F13A1: variants seen among roughly 807,000 people sequenced by gnomAD.
F13A1 encodes the protein FSF, A subunit.
F13A1 carries 47 observed loss-of-function variants against 80.1 expected under a neutral mutation model. The observed-to-expected ratio is 0.59, with a 90% CI of 0.46 to 0.75. F13A1 has a LOEUF of 0.75. Among genes scored for constraint, F13A1 ranks in the 30% least tolerant of loss-of-function variants. The probability of loss-of-function intolerance (pLI) is 0.00; values close to 1 mark genes in which losing one functional copy is unlikely to be tolerated. For missense variants in F13A1, 817 were observed against 930.4 expected, an observed-to-expected ratio of 0.88 and a Z score of 1.59; for synonymous variants, 349 against 344.9, an observed-to-expected ratio of 1.01 and a Z score of -0.13.
chr6:6,145,672 T>C lies in F13A1; in HGVS notation c.2146A>G (p.Arg716Gly), dbSNP rs778206273. Residue 716 changes from arginine to glycine, a missense_variant, in exon 15 of 15, where the codon AGA (arginine) becomes GGA (glycine). Arg to Gly is a moderately radical substitution (Grantham distance 125). Transcript: ENST00000264870. The stretch of plus-strand genomic sequence containing the variant: ...ACGTCCAGCTCGCCATACACATGTC[T>C]CAGGGAGTCACTGCTCATGCTGGCT... The part of the protein sequence containing the change: ...LIASMSSDSL[R>G]HVYGELDVQI... 1.9e-6 allele frequency: 3 copies of C among 1,614,176 alleles called. No homozygotes were observed. Among genetic ancestry groups the C allele is most frequent in the Non-Finnish European group, 2.5e-6 (3 of 1,180,018 alleles).
intron 10 of F13A1, among the ~76,000 whole-genome samples, chr6:6,192,233 G>C (rs754399514): frequency 6.6e-6 from 1 of 152,204 alleles, no homozygotes; most frequent in Non-Finnish European, 1.5e-5. Context: ...TGTAAGGGTG[G>C]TGGAACTCCA....
chr6:6,193,579 T>A (rs2151081367), intron 10 of F13A1, among the ~76,000 whole-genome samples: 1 of 152,332 alleles, frequency 6.6e-6, no homozygotes, highest in Non-Finnish European at 1.5e-5. Context: ...TTGTACCCTC[T>A]GTCAGACACG....
At chr6:6,176,904 G>A (rs892981487) in intron 11 of F13A1, among the ~76,000 whole-genome samples, 5 of 152,178 alleles carry the variant, frequency 3.3e-5, no homozygotes, top group African/African-American at 1.2e-4. Flanking sequence ...GCCTGCCATG[G>A]GTGCAGGAAC....
chr6:6,280,911 T>C (rs1561677771), intron 3 of F13A1, among the ~76,000 whole-genome samples: 1 of 152,154 alleles, frequency 6.6e-6, no homozygotes, highest in Non-Finnish European at 1.5e-5. Flanking sequence ...TTCTAAAACA[T>C]CTGCCACTAC....
chr6:6,185,519 A>G (rs1187706972), intron 10 of F13A1, among the ~76,000 whole-genome samples: 1 of 151,584 alleles, frequency 6.6e-6, no homozygotes, highest in Non-Finnish European at 1.5e-5. Flanking sequence ...ATGATTTCCA[A>G]TTTCATCCAT....
intron 13 of F13A1, among the ~76,000 whole-genome samples, chr6:6,166,250 T>G (rs1760669800): frequency 6.6e-6 from 1 of 152,202 alleles, no homozygotes; most frequent in Admixed American, 6.5e-5. Flanking sequence ...TGGTTGAAAA[T>G]GCAACCATGT....
intron 8 of F13A1, among the ~76,000 whole-genome samples, chr6:6,208,878 A>G (rs1439606384): frequency 6.6e-6 from 1 of 152,214 alleles, no homozygotes. Context: ...CTATGATTGT[A>G]AAACACTTAG....
chr6:6,201,826 GAGCATTTTTCTCAGATATTT>G (rs1236842852), intron 8 of F13A1, among the ~76,000 whole-genome samples: 1 of 152,072 alleles, frequency 6.6e-6, no homozygotes, highest in East Asian at 1.9e-4. Flanking sequence ...TTACAGGCGT[GAGCATTTTTCTCAGATATTT>G]AGCATTTTTG....
In F13A1 at chr6:6,161,836, G is replaced by A. The variant is rs541080651; in HGVS notation, c.1908+5622C>T. ...CACCACAGGGACCAGTAAAATCCAC[G>A]ACTGGGTCCACTGGGATGCACAAAC... On this transcript the variant is annotated intron_variant, in intron 13 of 14. Transcript: ENST00000264870. 4.6e-5 allele frequency among the ~76,000 whole-genome samples: 7 copies of A among 152,174 alleles called. No homozygotes were observed. In the South Asian group the frequency reaches 8.3e-4, roughly 18 times the overall value.
intron 8 of F13A1, among the ~76,000 whole-genome samples, chr6:6,199,905 G>T (rs1761362132): frequency 6.6e-6 from 1 of 152,180 alleles, no homozygotes; most frequent in Non-Finnish European, 1.5e-5. Context: ...AGCCATTGGG[G>T]ATACAACCCA....
Position 6,223,625 on chromosome 6 carries a change from G to A in F13A1, c.973+1061C>T, listed in dbSNP as rs3024407. 3.1e-3 allele frequency among the ~76,000 whole-genome samples: 463 copies of A among 151,730 alleles called. 3 individuals carry two copies. Among genetic ancestry groups the A allele is most frequent in the African/African-American group, 0.01 (431 of 41,406 alleles). Reference sequence around the variant, plus strand: ...CCCTGGGTTATATTTAAATGGCTAAGAAAATAATCTTATCCTGTTTGATAC... The same window carrying A: ...CCCTGGGTTATATTTAAATGGCTAAAAAAATAATCTTATCCTGTTTGATAC... On this transcript the variant is annotated intron_variant, in intron 7 of 14. Coordinates refer to ENST00000264870, the MANE Select transcript of F13A1 (RefSeq NM_000129.4).
rs933236740 is a variant in F13A1 at position 6,216,173 on chromosome 6, C to A, written c.1112+5860G>T. On this transcript the variant is annotated intron_variant, in intron 8 of 14. Coordinates refer to ENST00000264870, the MANE Select transcript of F13A1 (RefSeq NM_000129.4). ...ACTTTCTTCACAGAATTGGAAAAAA[C>A]TACCTGAAAGTTCATATGGAACCAA... 3.0e-4 allele frequency among the ~76,000 whole-genome samples: 46 copies of A among 152,068 alleles called. 1 individual carries two copies. The highest frequency in any genetic ancestry group is 6.3e-4 in the Non-Finnish European group (43 of 68,010).
In F13A1 at chr6:6,248,382, A is replaced by G. The variant is rs267606788; in HGVS notation, c.728T>C (p.Met243Thr). Residue 243 changes from methionine (M) to threonine (T), a missense_variant, in exon 6 of 15, where the codon ATG (methionine) becomes ACG (threonine). Coordinates refer to ENST00000264870, the MANE Select transcript of F13A1 (RefSeq NM_000129.4). ...DGILDTCLYV[M>T]DRAQMDLSGR... The stretch of plus-strand genomic sequence containing the variant: ...AGAGAGGTCCATTTGTGCTCTGTCC[A>G]TCACATACAGGCAAGTGTCCAGGAT... 6.2e-7 allele frequency: 1 copy of G among 1,613,908 alleles called. No homozygotes were observed. The highest frequency in any genetic ancestry group is 8.5e-7 in the Non-Finnish European group (1 of 1,179,874).
At chr6:6,166,693 G>A (rs1330361871) in intron 13 of F13A1, among the ~76,000 whole-genome samples, 1 of 152,194 alleles carries the variant, frequency 6.6e-6, no homozygotes, top group Admixed American at 6.5e-5. Context: ...CTGAGAAGTA[G>A]GAGCACAGAG....
At chr6:6,297,927 C>T (rs1434851951) in intron 3 of F13A1, among the ~76,000 whole-genome samples, 16 of 149,922 alleles carry the variant, frequency 1.1e-4, no homozygotes, top group Non-Finnish European at 2.1e-4. Flanking sequence ...GAATGCGTCC[C>T]TGAGATTCTG....
intron 3 of F13A1, among the ~76,000 whole-genome samples, chr6:6,295,653 T>A (rs1355535572): frequency 2.8e-5 from 4 of 144,268 alleles, no homozygotes; most frequent in Non-Finnish European, 5.9e-5. Context: ...TAGCCCTTTG[T>A]CAGATGAGTA....
chr6:6,312,381 C>T (rs889432469), intron 2 of F13A1, among the ~76,000 whole-genome samples: 4 of 151,222 alleles, frequency 2.6e-5, no homozygotes, highest in Non-Finnish European at 4.4e-5. Flanking sequence ...CTTAAAAGTG[C>T]GTCTTGGGGG....
intron 11 of F13A1, among the ~76,000 whole-genome samples, chr6:6,176,406 C>A (rs1760883620): frequency 6.6e-6 from 1 of 152,114 alleles, no homozygotes; most frequent in African/African-American, 2.4e-5. Flanking sequence ...CCATCACTTT[C>A]CTTGTTTGTA....
intron 14 of F13A1, among the ~76,000 whole-genome samples, chr6:6,147,075 G>A (rs1274881796): frequency 2.0e-5 from 3 of 152,214 alleles, no homozygotes; most frequent in Admixed American, 6.5e-5. Flanking sequence ...AACATCCTAT[G>A]TTCTCACTCA....
Sources: gnomAD v4.1 joint callset for allele counts (sites outside exome capture counted in the v4.1 genomes callset) on GRCh38, gnomAD v4.1.1 for gene constraint, MANE v1.5 for transcripts, NCBI Gene and HGNC (gene_info 2026-07-23, HGNC 2026-07-21) for gene names.